Variants in MYF6 observed in about 807,000 individuals in gnomAD.
MYF6 encodes class C basic helix-loop-helix protein 4.
In MYF6, 20 loss-of-function variants were observed where a neutral mutation model predicts 21.7. The ratio of observed to expected loss-of-function variants is 0.92; its 90% CI spans 0.65 to 1.34. The LOEUF is 1.34. MYF6 is among the 40% of genes most tolerant of loss of function. MYF6 has a pLI of 0.00. For synonymous variants in MYF6, 124 were observed against 124.7 expected (o/e 0.99, Z 0.04); for missense variants, 320 against 304.1 (o/e 1.05, Z -0.39).
chr12:80,707,895 A>G lies in MYF6; in HGVS notation c.176A>G (p.Glu59Gly). 6.2e-7 allele frequency: 1 copy of G among 1,614,142 alleles called. No homozygotes were observed. The highest frequency in any genetic ancestry group is 8.5e-7 in the Non-Finnish European group (1 of 1,180,030). ...GAAGCGGGGAGCGACAGCAGCGGAG[A>G]GGAACATGTCCTGGCGCCCCCGGGC... ...PPEAGSDSSG[E>G]EHVLAPPGLQ... Residue 59 changes from glutamate (E) to glycine (G), a missense_variant, in exon 1 of 3, where the codon GAG becomes GGG. Transcript: ENST00000228641.
In MYF6 at chr12:80,708,967, C is replaced by T. The variant is rs1342871200; in HGVS notation, c.*7C>T. Reference sequence around the variant, plus strand: ...GGAAGTGGTGGAGAAGTAACTGAGCCTGCGCTTGAGACCTTCTCCACGCAG... The same window carrying T: ...GGAAGTGGTGGAGAAGTAACTGAGCTTGCGCTTGAGACCTTCTCCACGCAG... On this transcript the variant is annotated 3_prime_UTR_variant, in exon 3 of 3. Transcript: ENST00000228641. 1.9e-6 allele frequency: 3 copies of T among 1,602,322 alleles called. No homozygotes were observed. The highest frequency in any genetic ancestry group is 1.7e-6 in the Non-Finnish European group (2 of 1,169,222).
chr12:80,708,732 C>A, intron 2 of MYF6, 110 bp from the exon 3 acceptor site: 32 of 1,510,080 alleles, frequency 2.1e-5, no homozygotes, highest in Non-Finnish European at 2.9e-5. Context: ...GCGCTCTTTG[C>A]GCGCCGGGAC....
Position 80,708,527 on chromosome 12 carries a change from G to A in MYF6, c.523G>A (p.Glu175Lys), listed in dbSNP as rs768211144. The change falls in exon 2 of 3, where the codon GAG becomes AAG. Residue 175 changes from glutamate (E) to lysine (K), a missense_variant. Transcript: ENST00000228641. The stretch of plus-strand genomic sequence containing the variant: ...GCTGCCTTGGTTTTCCCTCCAGCTT[G>A]AGGGTGCGGATTTCCTGCGCACCTG... ...FSYRPKQENL[E>K]GADFLRTCSS... The A allele has an allele frequency of 1.2e-6, 2 of 1,611,796 alleles. No individual in the cohort carries two copies. Among genetic ancestry groups the A allele is most frequent in the African/African-American group, 2.7e-5 (2 of 74,758 alleles).
rs1416580500 is a variant in MYF6 at position 80,709,113 on chromosome 12, G to GT, written c.*155dup. ...GAAGGAGACACATTCACAAAGAAAC[G>GT]TTGCGAAAATTGCGAAATCTGTTGT... On this transcript the variant is annotated 3_prime_UTR_variant, in exon 3 of 3. Coordinates refer to ENST00000228641, the MANE Select transcript of MYF6 (RefSeq NM_002469.3). 2.9e-6 allele frequency: 2 copies of GT among 678,910 alleles called. No individual in the cohort carries two copies. The highest frequency in any genetic ancestry group is 3.6e-5 in the African/African-American group (2 of 55,542). 42.1% of individuals were successfully genotyped at this position (678,910 alleles called of 1,614,324 possible).
chr12:80,708,473 CGGA>C, intron 1 of MYF6, 48 bp from the exon 2 acceptor site: 9 of 1,529,780 alleles, frequency 5.9e-6, no homozygotes, highest in African/African-American at 1.4e-5. Context: ...ACCCCAACCC[CGGA>C]ACCGATGTTT....
Position 80,707,742 on chromosome 12 carries a change from C to A in MYF6, c.23C>A (p.Thr8Asn). Residue 8 changes from threonine (T) to asparagine (N), a missense_variant, in exon 1 of 3, where the codon ACT (threonine) becomes AAT (asparagine). Transcript: ENST00000228641. ...AACATGATGATGGACCTTTTTGAAA[C>A]TGGCTCCTATTTCTTCTACTTGGAT... The part of the protein sequence containing the change: MMMDLFE[T>N]GSYFFYLDGE... 6.2e-7 allele frequency: 1 copy of A among 1,614,180 alleles called. No individual in the cohort carries two copies. The highest frequency in any genetic ancestry group is 8.5e-7 in the Non-Finnish European group (1 of 1,180,032).
At chr12:80,708,260 G>T (rs1479391889) in intron 1 of MYF6, 22 bp downstream of exon 1, 1 of 1,601,028 alleles carries the variant, frequency 6.2e-7, no homozygotes, top group East Asian at 2.2e-5. Flanking sequence ...TGCTGCCGGG[G>T]CAGGGAAATG....
At position 80,709,090 on chromosome 12, in the gene MYF6, A is replaced by G. The variant is rs946386988; in HGVS notation, c.*130A>G. ...CAGACCGAAAAGTTGCTGAAAGGGA[A>G]GGAGACACATTCACAAAGAAACGTT... On this transcript the variant is annotated 3_prime_UTR_variant, in exon 3 of 3. Transcript: ENST00000228641. 5 of 754,974 alleles carry G rather than the reference A, an allele frequency of 6.6e-6. No homozygotes were observed. The highest frequency in any genetic ancestry group is 1.1e-5 in the Non-Finnish European group (5 of 440,524). The allele number at this position is 754,974 out of a possible 1,614,324, so 46.8% of individuals were successfully genotyped here. A position where few individuals can be genotyped will look rare whatever the true frequency, so the allele number is the denominator to read the frequency against.
At chr12:80,708,293 C>T (rs755495482) in intron 1 of MYF6, 55 bp downstream of exon 1, 95 of 1,575,930 alleles carry the variant, frequency 6.0e-5, no homozygotes, top group Non-Finnish European at 7.5e-5. Context: ...AAACGCCTTC[C>T]GCGGGGCCTT....
At chr12:80,708,307 C>G in intron 1 of MYF6, 69 bp downstream of exon 1, 1 of 1,561,848 alleles carries the variant, frequency 6.4e-7, no homozygotes, top group Non-Finnish European at 8.6e-7. Flanking sequence ...GGGCCTTAAC[C>G]TCCAGCTGCT....
In MYF6 at chr12:80,708,628, G is replaced by T; in HGVS notation, c.610+14G>T. On this transcript the variant is annotated intron_variant, in intron 2 of 2. Coordinates refer to ENST00000228641, the MANE Select transcript of MYF6 (RefSeq NM_002469.3). ...CGGCTAAGGAAGGTAAAGTAAAAGGGCTCTGGGCCGCACCAGAGAAAATCC... is the reference window on the plus strand; with the variant it reads ...CGGCTAAGGAAGGTAAAGTAAAAGGTCTCTGGGCCGCACCAGAGAAAATCC... 6.2e-7 allele frequency: 1 copy of T among 1,611,606 alleles called. No individual in the cohort carries two copies. Among genetic ancestry groups the T allele is most frequent in the Non-Finnish European group, 8.5e-7 (1 of 1,177,694 alleles).
At chr12:80,708,422 C>A in intron 1 of MYF6, 102 bp from the exon 2 acceptor site, 3 of 1,411,308 alleles carry the variant, frequency 2.1e-6, no homozygotes, top group South Asian at 2.3e-5. Flanking sequence ...GCAGGAAATG[C>A]GTACCCGGCC....
Position 80,707,877 on chromosome 12 carries a change from G to T in MYF6, c.158G>T (p.Gly53Val). 6.2e-7 allele frequency: 1 copy of T among 1,614,170 alleles called. No homozygotes were observed. The highest frequency in any genetic ancestry group is 8.5e-7 in the Non-Finnish European group (1 of 1,180,034). ...PCQDQMPPEA[G>V]SDSSGEEHVL... ...CAGGACCAAATGCCCCCGGAAGCGG[G>T]GAGCGACAGCAGCGGAGAGGAACAT... The change falls in exon 1 of 3, where the codon GGG becomes GTG. Residue 53 changes from glycine to valine, a missense_variant. Transcript: ENST00000228641.
chr12:80,708,740 G>C, intron 2 of MYF6, 102 bp from the exon 3 acceptor site: 2 of 1,519,738 alleles, frequency 1.3e-6, no homozygotes, highest in Non-Finnish European at 9.1e-7. Context: ...TGCGCGCCGG[G>C]ACCAGGCCTT....
chr12:80,708,207 A>AC lies in MYF6; in HGVS notation c.492dup (p.Phe165LeufsTer11). 2 of 1,612,894 alleles carry AC rather than the reference A, an allele frequency of 1.2e-6. No individual in the cohort carries two copies. The highest frequency in any genetic ancestry group is 8.5e-7 in the Non-Finnish European group (1 of 1,179,632). On this transcript the variant is annotated frameshift_variant, in exon 1 of 3. Transcript: ENST00000228641. LOFTEE classifies it high-confidence loss of function. ...GAGAAGATGCAGGAGCTGGGGGTGG[A>AC]CCCCTTCAGCTACAGACCCAAACAA... is the stretch of plus-strand genomic sequence containing the variant.
Position 80,709,021 on chromosome 12 carries a change from C to A in MYF6, c.*61C>A. On this transcript the variant is annotated 3_prime_UTR_variant, in exon 3 of 3. Coordinates refer to ENST00000228641, the MANE Select transcript of MYF6 (RefSeq NM_002469.3). ...GAAGATCCCACCGACCCTTCCTGGC[C>A]TAATCCTTTAGATTAGGTCACATTA... 7.5e-7 allele frequency: 1 copy of A among 1,329,414 alleles called. No individual in the cohort carries two copies. Among genetic ancestry groups the A allele is most frequent in the Non-Finnish European group, 1.1e-6 (1 of 922,618 alleles). 82.4% of individuals were successfully genotyped at this position (1,329,414 alleles called of 1,614,324 possible).
In MYF6 at chr12:80,707,928, C is replaced by CT; in HGVS notation, c.210dup (p.Pro71SerfsTer23). On this transcript the variant is annotated frameshift_variant, in exon 1 of 3. Coordinates refer to ENST00000228641, the MANE Select transcript of MYF6 (RefSeq NM_002469.3). LOFTEE classifies it high-confidence loss of function. ...GTCCTGGCGCCCCCGGGCCTGCAGC[C>CT]TCCACACTGCCCCGGCCAGTGTCTG... 1 of 1,614,164 alleles carries CT rather than the reference C, an allele frequency of 6.2e-7. No homozygotes were observed. Among genetic ancestry groups the CT allele is most frequent in the Non-Finnish European group, 8.5e-7 (1 of 1,180,026 alleles).
intron 1 of MYF6, 65 bp downstream of exon 1, chr12:80,708,303 TA>T: frequency 6.4e-7 from 1 of 1,567,810 alleles, no homozygotes; most frequent in Non-Finnish European, 8.6e-7. Flanking sequence ...CGCGGGGCCT[TA>T]ACCTCCAGCT....
chr12:80,707,910 C>T lies in MYF6; in HGVS notation c.191C>T (p.Ala64Val), dbSNP rs1234740280. The change falls in exon 1 of 3, where the codon GCG (alanine) becomes GTG (valine). Residue 64 changes from alanine (A) to valine (V), a missense_variant. Physicochemically the swap from Ala to Val is moderately conservative, Grantham distance 64 (BLOSUM62 0). Transcript: ENST00000228641. ...AGCAGCGGAGAGGAACATGTCCTGG[C>T]GCCCCCGGGCCTGCAGCCTCCACAC... The part of the protein sequence containing the change: ...SDSSGEEHVL[A>V]PPGLQPPHCP... 1 of 1,614,136 alleles carries T rather than the reference C, an allele frequency of 6.2e-7. No individual in the cohort carries two copies. Among genetic ancestry groups the T allele is most frequent in the Admixed American group, 1.7e-5 (1 of 60,024 alleles).
Sources: allele counts gnomAD v4.1 joint callset, GRCh38; gene constraint gnomAD v4.1.1; transcripts MANE v1.5; gene names NCBI Gene and HGNC (gene_info 2026-07-23, HGNC 2026-07-21).